Variants in SYNPR observed in about 807,000 individuals in gnomAD.
The protein encoded by SYNPR is synaptoporin.
In SYNPR, 23 loss-of-function variants were observed where a neutral mutation model predicts 32.9. That is an observed-to-expected ratio of 0.70 (90% CI 0.50 to 0.99). The LOEUF is 0.99. Among genes scored for constraint, SYNPR ranks in the 50% least tolerant of loss-of-function variants. SYNPR has a pLI of 0.00. For missense variants in SYNPR, 318 were observed against 349.3 expected (o/e 0.91, Z 0.71); for synonymous variants, 146 against 135.9 (o/e 1.07, Z -0.52).
chr3:63,444,403 T>C (rs955577097), intron 2 of SYNPR: 22 of 152,204 alleles, frequency 1.4e-4, no homozygotes, highest in African/African-American at 5.1e-4. Flanking sequence ...AAATAATTGC[T>C]TTAATGGAAA....
intron 2 of SYNPR, among the ~76,000 whole-genome samples, chr3:63,380,735 A>G (rs1468708370): frequency 6.6e-6 from 1 of 152,162 alleles, no homozygotes; most frequent in East Asian, 1.9e-4. Flanking sequence ...CTGGGATGCA[A>G]GGCTGGTTCA....
At chr3:63,210,930 C>T in the SYNPR span, among the ~76,000 whole-genome samples, 6 of 151,028 alleles carry the variant, frequency 4.0e-5, no homozygotes, top group African/African-American at 1.5e-4. Flanking sequence ...ATACCTGACA[C>T]CTTCACACAT....
intron 2 of SYNPR, among the ~76,000 whole-genome samples, chr3:63,256,857 T>C (rs753680414): frequency 3.3e-5 from 5 of 151,804 alleles, no homozygotes; most frequent in Admixed American, 6.6e-5. Context: ...GAATAACCAA[T>C]GCAGAGAAGT....
chr3:63,381,700 T>C (rs1215985513), intron 2 of SYNPR, among the ~76,000 whole-genome samples: 4 of 152,268 alleles, frequency 2.6e-5, no homozygotes. Flanking sequence ...TTACATTTAA[T>C]GTTACTATCC....
chr3:63,204,383 T>C, the SYNPR span, among the ~76,000 whole-genome samples: 1 of 152,156 alleles, frequency 6.6e-6, no homozygotes. Flanking sequence ...CCATATTTCC[T>C]CTGTGTGTCT....
At chr3:63,358,932 C>T (rs554545760) in intron 2 of SYNPR, among the ~76,000 whole-genome samples, 23 of 152,170 alleles carry the variant, frequency 1.5e-4, no homozygotes, top group Admixed American at 2.0e-4. Flanking sequence ...CTTTAAAATC[C>T]GCCTCTTCCA....
intron 4 of SYNPR, among the ~76,000 whole-genome samples, chr3:63,574,984 A>T (rs1354556518): frequency 6.6e-6 from 1 of 152,070 alleles, no homozygotes; most frequent in Non-Finnish European, 1.5e-5. Flanking sequence ...GCCATGAGTG[A>T]ATCCCTGTAA....
chr3:63,447,500 G>A (rs74748029), intron 2 of SYNPR, among the ~76,000 whole-genome samples: 1,991 of 152,220 alleles, frequency 0.013, 44 homozygotes, highest in African/African-American at 0.046. Context: ...TGCATTTTTC[G>A]TTAAACATTC....
chr3:63,450,371 T>G (rs1055532103), intron 2 of SYNPR, among the ~76,000 whole-genome samples: 3 of 152,192 alleles, frequency 2.0e-5, no homozygotes, highest in African/African-American at 7.2e-5. Context: ...TAAAACTTAA[T>G]TTATTTAAGT....
intron 3 of SYNPR, among the ~76,000 whole-genome samples, chr3:63,490,839 T>A (rs1701245389): frequency 6.6e-6 from 1 of 152,178 alleles, no homozygotes; most frequent in African/African-American, 2.4e-5. Context: ...CTCAGCTCAC[T>A]GCAACCTCTG....
At chr3:63,396,322 C>A (rs963504117) in intron 2 of SYNPR, among the ~76,000 whole-genome samples, 1 of 152,104 alleles carries the variant, frequency 6.6e-6, no homozygotes, top group African/African-American at 2.4e-5. Flanking sequence ...AGCTCCGTTT[C>A]TGACAAAATG....
At chr3:63,380,634 A>G (rs1379924528) in intron 2 of SYNPR, among the ~76,000 whole-genome samples, 1 of 152,156 alleles carries the variant, frequency 6.6e-6, no homozygotes, top group Non-Finnish European at 1.5e-5. Flanking sequence ...CCTGATGAAC[A>G]CTGATGCAAA....
chr3:63,345,618 TCTC>T lies in SYNPR; in HGVS notation c.84+66879_84+66881del, dbSNP rs530344618. Among the ~76,000 whole-genome samples, 152 of 151,966 alleles carry T rather than the reference TCTC, an allele frequency of 1.0e-3. 1 individual carries two copies. Among genetic ancestry groups the T allele is most frequent in the Non-Finnish European group, 1.7e-3 (118 of 67,988 alleles). On this transcript the variant is annotated intron_variant, in intron 2 of 5. Coordinates refer to ENST00000478300, the MANE Select transcript of SYNPR (RefSeq NM_001130003.2). ...TTTCTCCCTCTCGCCTAGCCTCTCTTCTCCTGCTGGTCTCGCATTGGCTGACTC... is the reference window on the plus strand; with the variant it reads ...TTTCTCCCTCTCGCCTAGCCTCTCTTCTGCTGGTCTCGCATTGGCTGACTC...
intron 1 of SYNPR, among the ~76,000 whole-genome samples, chr3:63,239,030 T>A (rs1560165183): frequency 1.3e-5 from 2 of 152,146 alleles, no homozygotes; most frequent in African/African-American, 4.8e-5. Context: ...TTATTTTGGA[T>A]AATGAAATGA....
At chr3:63,542,296 C>T (rs1302278039) in intron 3 of SYNPR, among the ~76,000 whole-genome samples, 1 of 152,048 alleles carries the variant, frequency 6.6e-6, no homozygotes, top group East Asian at 1.9e-4. Flanking sequence ...GAGTTTCAAA[C>T]CTGAAAAGCA....
intron 2 of SYNPR, among the ~76,000 whole-genome samples, chr3:63,365,829 C>T (rs2087722995): frequency 6.6e-6 from 1 of 152,094 alleles, no homozygotes; most frequent in Non-Finnish European, 1.5e-5. Flanking sequence ...TTCTATTCAG[C>T]TGAAAAGCAA....
chr3:63,368,307 G>C (rs1388058779), intron 2 of SYNPR, among the ~76,000 whole-genome samples: 1 of 152,182 alleles, frequency 6.6e-6, no homozygotes, highest in Non-Finnish European at 1.5e-5. Context: ...CAGTGGTAAT[G>C]CCAGGCTTTG....
intron 3 of SYNPR, among the ~76,000 whole-genome samples, chr3:63,513,266 GT>G (rs1488493839): frequency 6.6e-6 from 1 of 151,342 alleles, no homozygotes; most frequent in Non-Finnish European, 1.5e-5. Flanking sequence ...GCCCAGGCTG[GT>G]CTTGAACTAG....
intron 5 of SYNPR, 148 bp downstream of exon 5, chr3:63,609,464 T>G: frequency 3.2e-6 from 2 of 618,738 alleles, no homozygotes; most frequent in Non-Finnish European, 5.2e-6. Flanking sequence ...AGGTACAGGA[T>G]GATCACTTGG....
Sources: allele counts gnomAD v4.1 joint callset (sites outside exome capture counted in the v4.1 genomes callset), GRCh38; gene constraint gnomAD v4.1.1; transcripts MANE v1.5; gene names NCBI Gene and HGNC (gene_info 2026-07-23, HGNC 2026-07-21).